The following ABLIM2 variants were observed in gnomAD, a reference collection of about 807,000 sequenced individuals.
The protein encoded by ABLIM2 is actin-binding LIM protein 2.
Under a neutral mutation model 97.7 loss-of-function variants are expected in ABLIM2, and 53 were observed. The ratio of observed to expected loss-of-function variants is 0.54; its 90% confidence interval spans 0.44 to 0.68. ABLIM2 has a LOEUF of 0.68. Among genes scored for constraint, ABLIM2 ranks in the 30% least tolerant of loss-of-function variants. ABLIM2 has a pLI of 0.00. For synonymous variants in ABLIM2, 361 were observed against 345.8 expected (o/e 1.04, Z -0.49); for missense variants, 835 against 867.2 (o/e 0.96, Z 0.47).
Position 8,124,756 on chromosome 4 carries a change from C to G in ABLIM2, c.11-18119G>C, listed in dbSNP as rs1476405477. 6.6e-6 allele frequency among the ~76,000 whole-genome samples: 1 copy of G among 152,108 alleles called. No individual in the cohort carries two copies. The highest frequency in any genetic ancestry group is 1.5e-5 in the Non-Finnish European group (1 of 68,032). The stretch of plus-strand genomic sequence containing the variant: ...ATTCGTGTGGACATAGGTTTGCATG[C>G]TTTTTGGGTAGATACCCAGGAGTGG... On this transcript the variant is annotated intron_variant, in intron 1 of 20. Coordinates refer to ENST00000447017, the MANE Select transcript of ABLIM2 (RefSeq NM_001130083.2). The surrounding 1 kb of genome is among the most constrained non-coding windows in gnomAD (Gnocchi z 6.1).
At chr4:8,037,652 C>T (rs571370764) in intron 9 of ABLIM2, among the ~76,000 whole-genome samples, 2 of 152,184 alleles carry the variant, frequency 1.3e-5, no homozygotes, top group Non-Finnish European at 2.9e-5. Flanking sequence ...ATCACCCCAC[C>T]CCTACCAAGC....
chr4:8,140,632 A>C lies in ABLIM2; in HGVS notation c.10+18048T>G, dbSNP rs185515748. Reference sequence around the variant, plus strand: ...GTTACTCCCATGGCCACTGCTACTGATGATGGAAGCAATGATGATAAAATC... The same window carrying C: ...GTTACTCCCATGGCCACTGCTACTGCTGATGGAAGCAATGATGATAAAATC... On this transcript the variant is annotated intron_variant, in intron 1 of 20. Transcript: ENST00000447017. This position sits in a 1 kb window ranked among gnomAD's most constrained non-coding sequence, Gnocchi z 5.9. 7.2e-5 allele frequency among the ~76,000 whole-genome samples: 11 copies of C among 152,224 alleles called. No individual in the cohort carries two copies. Among genetic ancestry groups the C allele is most frequent in the African/African-American group, 2.2e-4 (9 of 41,552 alleles).
intron 1 of ABLIM2, among the ~76,000 whole-genome samples, chr4:8,135,561 G>C (rs1850067650): frequency 6.6e-6 from 1 of 152,222 alleles, no homozygotes; most frequent in Non-Finnish European, 1.5e-5. Context: ...AGACGTCATT[G>C]ATGAACCAGG....
intron 6 of ABLIM2, among the ~76,000 whole-genome samples, chr4:8,074,068 C>G (rs1460763138): frequency 1.2e-5 from 1 of 84,538 alleles, no homozygotes; most frequent in Non-Finnish European, 2.1e-5. Context: ...GCCTGAATGA[C>G]AAGAGTAAAA....
Position 8,083,986 on chromosome 4 carries a change from G to T in ABLIM2, c.455-3184C>A, listed in dbSNP as rs975022172. 1.3e-5 allele frequency among the ~76,000 whole-genome samples: 2 copies of T among 152,072 alleles called. No homozygotes were observed. The highest frequency in any genetic ancestry group is 4.8e-5 in the African/African-American group (2 of 41,398). On this transcript the variant is annotated intron_variant, in intron 4 of 20. Transcript: ENST00000447017. The surrounding 1 kb of genome is among the most constrained non-coding windows in gnomAD (Gnocchi z 4.6). ...CTCAGCTGGAGCTCAGGGGGTGCAG[G>T]TGCAGGAGCCAGACCCCCTCTGCAG... is the stretch of plus-strand genomic sequence containing the variant.
At chr4:8,119,920 G>A in intron 1 of ABLIM2, among the ~76,000 whole-genome samples, 1 of 152,106 alleles carries the variant, frequency 6.6e-6, no homozygotes, top group East Asian at 1.9e-4. Context: ...GCTCAGATCT[G>A]GGGTGCGTGC....
At chr4:8,126,374 T>G (rs1847929398) in intron 1 of ABLIM2, among the ~76,000 whole-genome samples, 2 of 151,920 alleles carry the variant, frequency 1.3e-5, no homozygotes, top group Admixed American at 1.3e-4. Flanking sequence ...CCCTCCCCTG[T>G]GTACCCCCTG....
intron 1 of ABLIM2, among the ~76,000 whole-genome samples, chr4:8,115,598 C>G (rs1842454762): frequency 6.6e-6 from 1 of 152,216 alleles, no homozygotes; most frequent in African/African-American, 2.4e-5. Context: ...TTCTGGAAGC[C>G]TCTGAGCTTA....
Position 7,967,564 on chromosome 4 carries a change from C to G in ABLIM2, c.1825-461G>C, listed in dbSNP as rs577532493. Among the ~76,000 whole-genome samples the G allele has an allele frequency of 3.9e-5, 6 of 152,318 alleles. No homozygotes were observed. The South Asian group carries it at 1.0e-3, about 26-fold the overall frequency. On this transcript the variant is annotated intron_variant, in intron 20 of 20. Transcript: ENST00000447017. ...GTAGCCCAGGAGGGTGGGGCGCGGA[C>G]AGTGAGCAAGAATGCCAGGCACGGC...
At chr4:8,157,476 A>G (rs1715733083) in intron 1 of ABLIM2, among the ~76,000 whole-genome samples, 1 of 152,100 alleles carries the variant, frequency 6.6e-6, no homozygotes, top group African/African-American at 2.4e-5. Context: ...ACCGCCTGCC[A>G]TTGCTCTCAG....
At chr4:8,036,475 T>C (rs768188825) in intron 9 of ABLIM2, among the ~76,000 whole-genome samples, 180 bp from the exon 10 acceptor site, 2 of 151,984 alleles carry the variant, frequency 1.3e-5, no homozygotes, top group Non-Finnish European at 2.9e-5. Flanking sequence ...CAGAGGGCAG[T>C]GGCTGCTCCA....
rs776698977 is a variant in ABLIM2 at position 8,082,505 on chromosome 4, T to C, written c.455-1703A>G. Among the ~76,000 whole-genome samples, 4 of 152,220 alleles carry C rather than the reference T, an allele frequency of 2.6e-5. No individual in the cohort carries two copies. Among genetic ancestry groups the C allele is most frequent in the Non-Finnish European group, 5.9e-5 (4 of 68,046 alleles). ...GAGGCTGCTTCCCTGCGTGGCTTCA[T>C]TAGTTTCTTTTGGCAGAGACCTGAG... On this transcript the variant is annotated intron_variant, in intron 4 of 20. Transcript: ENST00000447017. The surrounding 1 kb of genome is among the most constrained non-coding windows in gnomAD (Gnocchi z 5.6).
intron 1 of ABLIM2, among the ~76,000 whole-genome samples, chr4:8,135,211 C>A (rs1850017377): frequency 1.3e-5 from 2 of 152,338 alleles, no homozygotes; most frequent in African/African-American, 2.4e-5. Flanking sequence ...CACATGATAA[C>A]CAACTGCAAT....
At position 8,140,006 on chromosome 4, in the gene ABLIM2, A is replaced by T. The variant is rs1205544825; in HGVS notation, c.10+18674T>A. Among the ~76,000 whole-genome samples, 1 of 151,480 alleles carries T rather than the reference A, an allele frequency of 6.6e-6. No individual in the cohort carries two copies. The highest frequency in any genetic ancestry group is 6.6e-5 in the Admixed American group (1 of 15,180). On this transcript the variant is annotated intron_variant, in intron 1 of 20. Coordinates refer to ENST00000447017, the MANE Select transcript of ABLIM2 (RefSeq NM_001130083.2). The surrounding 1 kb of genome is among the most constrained non-coding windows in gnomAD (Gnocchi z 5.9). ...CCTTAGCAAACTAACACAGGAACAG[A>T]AAACCAAACACTACATGTTCTCACT...
chr4:7,968,372 T>C (rs1342448665), intron 20 of ABLIM2, among the ~76,000 whole-genome samples: 2 of 152,272 alleles, frequency 1.3e-5, no homozygotes, highest in East Asian at 1.9e-4. Context: ...AGAGAGATGA[T>C]GGTCGCCCAT....
chr4:7,984,752 G>T, intron 18 of ABLIM2, 87 bp downstream of exon 18: 2 of 1,405,010 alleles, frequency 1.4e-6, no homozygotes, highest in South Asian at 1.4e-5. Context: ...GCAGGCTGCG[G>T]ATGGGGTGGT....
At position 7,998,527 on chromosome 4, in the gene ABLIM2, T is replaced by A. The variant is rs1178236221; in HGVS notation, c.1619-5600A>T. 2.3e-6 allele frequency: 1 copy of A among 426,102 alleles called. No homozygotes were observed. The highest frequency in any genetic ancestry group is 1.6e-5 in the South Asian group (1 of 63,262). The allele number at this position is 426,102 out of a possible 1,614,324, so 26.4% of individuals were successfully genotyped here. ...CCCTTCTTGGGGTGTCCTGTGTCGC[T>A]GGGTGGGGGTGGGAGATGCCTGCCA... On this transcript the variant is annotated intron_variant, in intron 16 of 20. Coordinates refer to ENST00000447017, the MANE Select transcript of ABLIM2 (RefSeq NM_001130083.2). The surrounding 1 kb of genome is among the most constrained non-coding windows in gnomAD (Gnocchi z 6.4).
intron 1 of ABLIM2, among the ~76,000 whole-genome samples, chr4:8,119,442 C>T (rs552708298): frequency 1.3e-3 from 194 of 151,684 alleles, no homozygotes; most frequent in African/African-American, 4.4e-3. Flanking sequence ...ATTTGCCTCC[C>T]TTAGCCTCCT....
At chr4:8,077,784 A>C in intron 5 of ABLIM2, 63 bp from the exon 6 acceptor site, 1 of 1,381,852 alleles carries the variant, frequency 7.2e-7, no homozygotes, top group Non-Finnish European at 1.0e-6. Flanking sequence ...AGATCTAACA[A>C]CCCTCACCAA....
Sources: allele counts gnomAD v4.1 joint callset (sites outside exome capture counted in the v4.1 genomes callset), GRCh38; gene constraint gnomAD v4.1.1; non-coding constraint Gnocchi (gnomAD v3.1); transcripts MANE v1.5; gene names NCBI Gene and HGNC (gene_info 2026-07-23, HGNC 2026-07-21).